Variants in TPTE observed in about 807,000 individuals in gnomAD.
The protein encoded by TPTE is putative tyrosine-protein phosphatase TPTE.
TPTE carries 59 observed loss-of-function variants against 84.1 expected under a neutral mutation model. The ratio of observed to expected loss-of-function variants is 0.70; its 90% CI spans 0.57 to 0.87. TPTE has a LOEUF of 0.87. TPTE is among the 40% of genes least tolerant of loss of function. The pLI is 0.00. For synonymous variants in TPTE, 130 were observed against 223.5 expected, an observed-to-expected ratio of 0.58 and a Z score of 3.73; for missense variants, 382 against 659.6, an observed-to-expected ratio of 0.58 and a Z score of 4.61.
At chr21:10,595,570 A>G (rs2075566586) in intron 19 of TPTE, among the ~76,000 whole-genome samples, 1 of 152,312 alleles carries the variant, frequency 6.6e-6, no homozygotes, top group Non-Finnish European at 1.5e-5. Context: ...GTTTGGAGGT[A>G]TTCCTCTGGA....
intron 8 of TPTE, among the ~76,000 whole-genome samples, chr21:10,553,265 C>T (rs2074615822): frequency 6.6e-6 from 1 of 152,298 alleles, no homozygotes; most frequent in African/African-American, 2.4e-5. Flanking sequence ...CATTCTTAAA[C>T]TGGCTTGTGT....
intron 3 of TPTE, among the ~76,000 whole-genome samples, chr21:10,532,154 G>A (rs1350175544): frequency 6.6e-6 from 1 of 152,302 alleles, no homozygotes; most frequent in Non-Finnish European, 1.5e-5. Context: ...TGTGGTGTTT[G>A]GGAGAGGGAA....
At chr21:10,546,871 G>T (rs1200880132) in intron 7 of TPTE, among the ~76,000 whole-genome samples, 3 of 152,308 alleles carry the variant, frequency 2.0e-5, no homozygotes, top group Non-Finnish European at 4.4e-5. Flanking sequence ...ACATAAAAGT[G>T]CAAGGTAAAC....
chr21:10,576,838 CATATATATAT>C (rs56285862), intron 14 of TPTE, among the ~76,000 whole-genome samples: 5,613 of 136,040 alleles, frequency 0.041, 3 homozygotes, highest in Middle Eastern at 0.093. Flanking sequence ...TACATATATA[CATATATATAT>C]ATATATATAT....
At chr21:10,565,537 C>G (rs944376251) in intron 10 of TPTE, among the ~76,000 whole-genome samples, 2 of 152,306 alleles carry the variant, frequency 1.3e-5, no homozygotes, top group African/African-American at 2.4e-5. Context: ...ACAAAAGACC[C>G]AGAATAGCCA....
chr21:10,546,349 C>T (rs998747060), intron 7 of TPTE, among the ~76,000 whole-genome samples: 3 of 152,306 alleles, frequency 2.0e-5, no homozygotes, highest in Admixed American at 2.0e-4. Flanking sequence ...AGCCATTCCC[C>T]CATCTCTCTC....
intron 4 of TPTE, among the ~76,000 whole-genome samples, chr21:10,539,222 G>C (rs2074322897): frequency 1.3e-5 from 2 of 152,310 alleles, no homozygotes; most frequent in African/African-American, 4.8e-5. Context: ...GATAGCAGCT[G>C]ACAAGGAGCA....
intron 21 of TPTE, among the ~76,000 whole-genome samples, chr21:10,601,508 A>G (rs371971558): frequency 1.6e-4 from 24 of 152,358 alleles, no homozygotes; most frequent in African/African-American, 5.8e-4. Context: ...AACAAAAAAA[A>G]AAGAAAAGAA....
intron 10 of TPTE, among the ~76,000 whole-genome samples, chr21:10,567,278 G>C (rs574762929): frequency 1.4e-4 from 21 of 152,022 alleles, no homozygotes; most frequent in African/African-American, 4.6e-4. Context: ...ATTGACCATA[G>C]TCAACAATAA....
At chr21:10,538,920 C>T (rs112304392) in intron 4 of TPTE, among the ~76,000 whole-genome samples, 186 bp downstream of exon 4, 27 of 152,424 alleles carry the variant, frequency 1.8e-4, no homozygotes, top group African/African-American at 3.8e-4. Context: ...AGGAGACAGA[C>T]GGCCGGACAT....
chr21:10,588,488 T>C (rs2075407448), intron 17 of TPTE, among the ~76,000 whole-genome samples: 1 of 152,310 alleles, frequency 6.6e-6, no homozygotes. Flanking sequence ...AGTATATGCC[T>C]TGGTAATGTT....
chr21:10,597,122 C>A (rs1258935578), intron 20 of TPTE, among the ~76,000 whole-genome samples: 1 of 152,306 alleles, frequency 6.6e-6, no homozygotes, highest in African/African-American at 2.4e-5. Context: ...GGCTGAGAAA[C>A]CAAGTCTTTG....
At chr21:10,563,132 A>G (rs1213013239) in intron 10 of TPTE, among the ~76,000 whole-genome samples, 1 of 152,310 alleles carries the variant, frequency 6.6e-6, no homozygotes, top group East Asian at 1.9e-4. Flanking sequence ...GGAAAAAAAC[A>G]TTTACCCTAG....
chr21:10,578,721 A>G (rs1319459341), intron 17 of TPTE, 116 bp downstream of exon 17: 1 of 1,545,706 alleles, frequency 6.5e-7, no homozygotes, highest in African/African-American at 1.4e-5. Flanking sequence ...AGCATTTTTA[A>G]ATATTAGCTC....
intron 17 of TPTE, among the ~76,000 whole-genome samples, chr21:10,584,013 T>G (rs2075316539): frequency 6.6e-6 from 1 of 152,312 alleles, no homozygotes; most frequent in Non-Finnish European, 1.5e-5. Flanking sequence ...CTAGTCAAAT[T>G]ACAAACACTG....
At chr21:10,579,130 A>G (rs1279790184) in intron 17 of TPTE, among the ~76,000 whole-genome samples, 3 of 152,312 alleles carry the variant, frequency 2.0e-5, no homozygotes, top group African/African-American at 4.8e-5. Flanking sequence ...TGTCTCAGCA[A>G]TTTTCAAGTA....
intron 20 of TPTE, among the ~76,000 whole-genome samples, chr21:10,597,023 T>TA (rs1431484289): frequency 2.0e-5 from 3 of 152,308 alleles, no homozygotes; most frequent in Non-Finnish European, 4.4e-5. Flanking sequence ...TTTATTAAAA[T>TA]ATTTGTTTTA....
intron 1 of TPTE, among the ~76,000 whole-genome samples, chr21:10,522,928 CTATT>C (rs548938851): frequency 1.3e-4 from 20 of 152,410 alleles, no homozygotes; most frequent in African/African-American, 3.8e-4. Flanking sequence ...AAATGTTCAT[CTATT>C]TGTTTTCTCA....
chr21:10,524,344 C>T (rs897620793), intron 1 of TPTE, among the ~76,000 whole-genome samples: 6 of 152,312 alleles, frequency 3.9e-5, no homozygotes, highest in Admixed American at 1.3e-4. Flanking sequence ...ATTGACATTC[C>T]TTTCCCCTCC....
Sources: allele counts gnomAD v4.1 joint callset (sites outside exome capture counted in the v4.1 genomes callset), GRCh38; gene constraint gnomAD v4.1.1; transcripts MANE v1.5; gene names NCBI Gene and HGNC (gene_info 2026-07-23, HGNC 2026-07-21).